MAEA: variants seen among roughly 807,000 people sequenced by gnomAD.
MAEA encodes the protein E3 ubiquitin-protein transferase MAEA.
In MAEA, 22 loss-of-function variants were observed where a neutral mutation model predicts 46.2. The observed-to-expected ratio is 0.48, with a 90% CI of 0.34 to 0.68. The LOEUF is 0.68. Among genes scored for constraint, MAEA ranks in the 30% least tolerant of loss-of-function variants. The pLI, the probability that MAEA is intolerant of heterozygous loss-of-function variation, is 0.01. For missense variants in MAEA, 393 were observed against 558.1 expected (o/e 0.70, Z 2.98); for synonymous variants, 246 against 222.6 (o/e 1.11, Z -0.94).
At chr4:1,292,886 CTTT>C (rs34802084) in intron 1 of MAEA, among the ~76,000 whole-genome samples, 34 of 128,352 alleles carry the variant, frequency 2.6e-4, no homozygotes, top group East Asian at 1.1e-3. Context: ...AACTCACCAT[CTTT>C]TTTTTTTTTT....
intron 8 of MAEA, 62 bp from the exon 9 acceptor site, chr4:1,339,012 A>T: frequency 1.5e-6 from 2 of 1,338,228 alleles, no homozygotes; most frequent in Admixed American, 1.7e-5. Context: ...GGGATTTTCC[A>T]TGGAAATCCG....
At chr4:1,321,160 A>C (rs4974549) in intron 3 of MAEA, among the ~76,000 whole-genome samples, 108,847 of 151,870 alleles carry the variant, frequency 0.72, 40,063 homozygotes, top group African/African-American at 0.89. Context: ...AGAAAAGAAT[A>C]ATCAACATGC....
At chr4:1,333,567 G>A (rs1712140659) in intron 6 of MAEA, among the ~76,000 whole-genome samples, 1 of 151,990 alleles carries the variant, frequency 6.6e-6, no homozygotes, top group African/African-American at 2.4e-5. Flanking sequence ...GGTAGGGTTG[G>A]GGGTTCTGCC....
rs1376927852 is a variant in MAEA at position 1,339,937 on chromosome 4, G to T, written c.*768G>T. 6.5e-6 allele frequency: 1 copy of T among 152,696 alleles called. No homozygotes were observed. The highest frequency in any genetic ancestry group is 1.5e-5 in the Non-Finnish European group (1 of 68,062). The allele number at this position is 152,696 out of a possible 1,614,324, so 9.5% of individuals were successfully genotyped here. The stretch of plus-strand genomic sequence containing the variant: ...TGCCGGATGGTTCCATAACTGTAGA[G>T]TCTAATTGCTATCCATTACAGAAAT... On this transcript the variant is annotated 3_prime_UTR_variant, in exon 9 of 9. Coordinates refer to ENST00000303400, the MANE Select transcript of MAEA (RefSeq NM_001017405.3).
chr4:1,338,978 G>C, intron 8 of MAEA, 96 bp from the exon 9 acceptor site: 1 of 1,040,382 alleles, frequency 9.6e-7, no homozygotes, highest in South Asian at 1.3e-5. Context: ...GAGAGGATGA[G>C]TCATTCCCTG....
At chr4:1,290,652 G>A (rs1734011513) in intron 1 of MAEA, among the ~76,000 whole-genome samples, 1 of 152,242 alleles carries the variant, frequency 6.6e-6, no homozygotes, top group South Asian at 2.1e-4. Flanking sequence ...TTCCTTAAAA[G>A]ATCAAGGTCA....
chr4:1,334,068 G>GCCCA lies in MAEA; in HGVS notation c.765+1206_765+1207insACCC, dbSNP rs1211699159. Among the ~76,000 whole-genome samples, 22 of 16,978 alleles carry GCCCA rather than the reference G, an allele frequency of 1.3e-3. 4 individuals are homozygous for GCCCA. The highest frequency in any genetic ancestry group is 2.9e-3 in the African/African-American group (9 of 3,106). 11.1% of individuals were successfully genotyped at this position (16,978 alleles called of 152,430 possible). A position where few individuals can be genotyped will look rare whatever the true frequency, so the allele number is the denominator to read the frequency against. On this transcript the variant is annotated intron_variant, in intron 6 of 8. Transcript: ENST00000303400. ...TGCTCACCCCTGCACCCACCCCCAT[G>GCCCA]CCCGTGTGCTCACCCCTGCACCCAT...
chr4:1,323,698 G>A, intron 4 of MAEA: 5 of 683,582 alleles, frequency 7.3e-6, no homozygotes, highest in South Asian at 1.5e-5. Context: ...ACTCTGCCAG[G>A]GCTGTTTCCT....
intron 3 of MAEA, among the ~76,000 whole-genome samples, chr4:1,318,944 G>GC (rs142083046): frequency 2.6e-5 from 3 of 114,466 alleles, no homozygotes; most frequent in African/African-American, 3.9e-5. Flanking sequence ...AGGACAGGAA[G>GC]CTGCTGCCCA....
At chr4:1,324,733 G>C (rs1224875589) in intron 4 of MAEA, among the ~76,000 whole-genome samples, 4 of 122,980 alleles carry the variant, frequency 3.3e-5, no homozygotes, top group Non-Finnish European at 6.5e-5. Flanking sequence ...GTCTGGTGTT[G>C]GATGAAGTTG....
chr4:1,319,867 A>C (rs964923532), intron 3 of MAEA, among the ~76,000 whole-genome samples: 3 of 152,188 alleles, frequency 2.0e-5, no homozygotes, highest in Non-Finnish European at 4.4e-5. Context: ...AAACACTATG[A>C]AGGGGCTCCA....
At chr4:1,327,774 CTGT>C in intron 5 of MAEA, 71 bp downstream of exon 5, 1 of 1,372,134 alleles carries the variant, frequency 7.3e-7, no homozygotes, top group Non-Finnish European at 1.0e-6. Flanking sequence ...CCAGCCCTCC[CTGT>C]CGTGGTCTGG....
intron 3 of MAEA, 145 bp downstream of exon 3, chr4:1,315,745 C>T (rs1737051584): frequency 3.5e-6 from 2 of 569,474 alleles, no homozygotes; most frequent in Non-Finnish European, 3.1e-6. Flanking sequence ...TGTTCCCCTC[C>T]CCCCACCCCC....
chr4:1,302,807 A>C lies in MAEA; in HGVS notation c.70-9172A>C, dbSNP rs1735451317. ...GAAAACATTTTTTAAATGAGCACAC[A>C]ATTTTAGCAAACTTCTGCAAAGATA... On this transcript the variant is annotated intron_variant, in intron 1 of 8. Coordinates refer to ENST00000303400, the MANE Select transcript of MAEA (RefSeq NM_001017405.3). Among the ~76,000 whole-genome samples the C allele has an allele frequency of 5.3e-5, 8 of 152,318 alleles. No homozygotes were observed. The South Asian group carries it at 1.7e-3, about 32-fold the overall frequency.
chr4:1,317,670 A>C (rs143199158), intron 3 of MAEA, among the ~76,000 whole-genome samples: 7 of 151,988 alleles, frequency 4.6e-5, no homozygotes, highest in African/African-American at 1.7e-4. Context: ...CCTGCACAGC[A>C]CTGTTGCTCT....
At chr4:1,331,976 G>A (rs891021237) in intron 5 of MAEA, 1 of 152,844 alleles carries the variant, frequency 6.5e-6, no homozygotes, top group African/African-American at 2.4e-5. Context: ...AGGGCTGAGA[G>A]GGCTGGGCCG....
intron 1 of MAEA, among the ~76,000 whole-genome samples, chr4:1,291,626 C>T (rs977688494): frequency 2.6e-5 from 4 of 152,156 alleles, no homozygotes; most frequent in South Asian, 2.1e-4. Context: ...AGATCAGAAC[C>T]GTGGTGGTTT....
At chr4:1,313,206 G>T (rs535213148) in intron 2 of MAEA, among the ~76,000 whole-genome samples, 1 of 152,362 alleles carries the variant, frequency 6.6e-6, no homozygotes, top group African/African-American at 2.4e-5. Context: ...CCAGCTCCGG[G>T]CAGAGTCAAT....
At chr4:1,296,737 C>A (rs1173730213) in intron 1 of MAEA, among the ~76,000 whole-genome samples, 1 of 152,164 alleles carries the variant, frequency 6.6e-6, no homozygotes, top group African/African-American at 2.4e-5. Context: ...CCCAACACTC[C>A]ACCCAGATGT....
Sources: allele counts gnomAD v4.1 joint callset (sites outside exome capture counted in the v4.1 genomes callset), GRCh38; gene constraint gnomAD v4.1.1; transcripts MANE v1.5; gene names NCBI Gene and HGNC (gene_info 2026-07-23, HGNC 2026-07-21).